The following SASH1 variants were observed in gnomAD, a reference collection of about 807,000 sequenced individuals.
The protein encoded by SASH1 is SAM and SH3 domain containing 1, also known as SAM and SH3 domain-containing protein 1.
SASH1 carries 44 observed loss-of-function variants against 125.2 expected under a neutral mutation model. That is an observed-to-expected ratio of 0.35 (90% CI 0.28 to 0.45). SASH1 has a LOEUF of 0.45. Ranked by LOEUF, SASH1 falls within the 20% of genes least tolerant of loss-of-function variation. The pLI is 1.00. For synonymous variants in SASH1, 639 were observed against 649.1 expected (o/e 0.98, Z 0.24); for missense variants, 1,426 against 1,614.5 (o/e 0.88, Z 2.00).
At chr6:148,310,588 G>A (rs11969529) in intron 1 of SASH1, among the ~76,000 whole-genome samples, 40,833 of 151,990 alleles carry the variant, frequency 0.27, 5,679 homozygotes, top group South Asian at 0.35. Context: ...TATAAAATGA[G>A]AAGGCAACCA....
At position 148,387,675 on chromosome 6, in the gene SASH1, T is replaced by G. The variant is rs1216504653; in HGVS notation, c.157-2459T>G. On this transcript the variant is annotated intron_variant, in intron 1 of 19. Coordinates refer to ENST00000367467, the MANE Select transcript of SASH1 (RefSeq NM_015278.5). ...TTCTTTCTTTCTTTCTTTCTTTCTT[T>G]CTTTCTTTCTTTCTTTCGGCATCCT... is the stretch of plus-strand genomic sequence containing the variant. 1.2e-4 allele frequency among the ~76,000 whole-genome samples: 14 copies of G among 117,742 alleles called. 1 individual carries two copies. The highest frequency in any genetic ancestry group is 4.5e-4 in the African/African-American group (13 of 28,786). 77.2% of individuals were successfully genotyped at this position (117,742 alleles called of 152,430 possible).
At chr6:148,397,544 G>T (rs1784009919) in intron 2 of SASH1, among the ~76,000 whole-genome samples, 1 of 152,136 alleles carries the variant, frequency 6.6e-6, no homozygotes, top group South Asian at 2.1e-4. Context: ...AATGTCAGTT[G>T]TATAACTTCA....
At chr6:148,237,467 A>C in the SASH1 span, 1 of 152,310 alleles carries the variant, frequency 6.6e-6, no homozygotes, top group African/African-American at 2.4e-5. Flanking sequence ...CTTACTTACC[A>C]ACTATGCCCA....
the SASH1 span, among the ~76,000 whole-genome samples, chr6:148,258,333 A>T: frequency 7.3e-4 from 111 of 152,318 alleles, 2 homozygotes; most frequent in East Asian, 0.018. Context: ...TTAATTTTCC[A>T]TAATAATAGC....
chr6:148,278,751 G>T (rs764845742), intron 1 of SASH1: 1 of 152,034 alleles, frequency 6.6e-6, no homozygotes, highest in Non-Finnish European at 1.5e-5. Flanking sequence ...AGGATGATGT[G>T]CAAATTTGTG....
chr6:148,456,293 C>T (rs900384883), intron 4 of SASH1, among the ~76,000 whole-genome samples: 44 of 152,094 alleles, frequency 2.9e-4, no homozygotes, highest in African/African-American at 1.0e-3. Flanking sequence ...GGGGCCCTCC[C>T]TGCCCGTCTC....
rs1284354748 is a variant in SASH1, at chr6:148,543,826, A to C, written c.2356A>C (p.Arg786=). Reference sequence around the variant, plus strand: ...ACTGAAGCAGGGACAGGAGGAGGGCAGGCTGGGTGGTGGCCTTGCCCCAGA... The same window carrying C: ...ACTGAAGCAGGGACAGGAGGAGGGCCGGCTGGGTGGTGGCCTTGCCCCAGA... ...DALKQGQEEG[R]LGGGLAPDTS... Residue 786 remains arginine, a synonymous_variant, in exon 18 of 20, where the codon AGG becomes CGG. Coordinates refer to ENST00000367467, the MANE Select transcript of SASH1 (RefSeq NM_015278.5). 3.1e-6 allele frequency: 5 copies of C among 1,614,202 alleles called. No homozygotes were observed. In the South Asian group the frequency reaches 3.3e-5, roughly 11 times the overall value.
chr6:148,309,113 T>C (rs1350601800), intron 1 of SASH1, among the ~76,000 whole-genome samples: 1 of 149,384 alleles, frequency 6.7e-6, no homozygotes, highest in African/African-American at 2.5e-5. Flanking sequence ...AGATTCTCTT[T>C]CTCTAAATGG....
intron 8 of SASH1, among the ~76,000 whole-genome samples, chr6:148,492,590 G>A (rs1208266982): frequency 2.0e-5 from 3 of 152,048 alleles, no homozygotes; most frequent in African/African-American, 7.2e-5. Flanking sequence ...GGCTGAGGCA[G>A]GCGGATTACC....
At chr6:148,508,799 GCT>G (rs1779949228) in intron 8 of SASH1, 1 of 870,280 alleles carries the variant, frequency 1.1e-6, no homozygotes, top group Non-Finnish European at 1.6e-6. Context: ...GAGTGAAGAC[GCT>G]CTCCGAGTGG....
intron 1 of SASH1, among the ~76,000 whole-genome samples, chr6:148,298,679 A>AAGGAAGGG (rs1779834033): frequency 1.4e-5 from 1 of 74,002 alleles, no homozygotes; most frequent in East Asian, 3.9e-4. Flanking sequence ...GGAAGGAAGG[A>AAGGAAGGG]AGGAAGGAAG....
chr6:148,415,635 C>T (rs2114923524), intron 2 of SASH1, among the ~76,000 whole-genome samples: 1 of 152,274 alleles, frequency 6.6e-6, no homozygotes, highest in East Asian at 1.9e-4. Flanking sequence ...TAGGTTTGAA[C>T]ACATGCTAGC....
At chr6:148,378,310 T>A (rs1782991592) in intron 1 of SASH1, among the ~76,000 whole-genome samples, 1 of 151,402 alleles carries the variant, frequency 6.6e-6, no homozygotes. Context: ...CGCCTCAGCC[T>A]CCCAGAGTCC....
intron 2 of SASH1, among the ~76,000 whole-genome samples, chr6:148,407,217 C>G (rs1054673103): frequency 6.6e-6 from 1 of 152,156 alleles, no homozygotes; most frequent in African/African-American, 2.4e-5. Context: ...AAACCCTGTG[C>G]CTATTAAACA....
chr6:148,494,379 G>C (rs917299029), intron 8 of SASH1, among the ~76,000 whole-genome samples: 3 of 152,174 alleles, frequency 2.0e-5, no homozygotes, highest in Non-Finnish European at 4.4e-5. Flanking sequence ...TGTTTCTGTA[G>C]CTGGAGTTCC....
chr6:148,226,803 G>A, the SASH1 span, among the ~76,000 whole-genome samples: 1 of 152,094 alleles, frequency 6.6e-6, no homozygotes, highest in Non-Finnish European at 1.5e-5. Context: ...CTTTTTAGGA[G>A]CCAGGCAACC....
At chr6:148,280,414 C>T (rs1779306960) in intron 1 of SASH1, 1 of 152,168 alleles carries the variant, frequency 6.6e-6, no homozygotes, top group Non-Finnish European at 1.5e-5. Flanking sequence ...TAATAACACT[C>T]ACCTTGCAGG....
chr6:148,503,509 C>T (rs998873360), intron 8 of SASH1, among the ~76,000 whole-genome samples: 5 of 152,072 alleles, frequency 3.3e-5, no homozygotes, highest in African/African-American at 1.2e-4. Flanking sequence ...TCTTGACATG[C>T]GAAAATATTC....
chr6:148,308,460 GC>G (rs1396283480), intron 1 of SASH1, among the ~76,000 whole-genome samples: 2 of 149,428 alleles, frequency 1.3e-5, no homozygotes, highest in East Asian at 4.0e-4. Flanking sequence ...CAATGGCGCT[GC>G]CTTGGCTCAC....
Sources: allele counts gnomAD v4.1 joint callset (sites outside exome capture counted in the v4.1 genomes callset), GRCh38; gene constraint gnomAD v4.1.1; transcripts MANE v1.5; gene names NCBI Gene and HGNC (gene_info 2026-07-23, HGNC 2026-07-21).